Variants in PRRG2 observed in about 807,000 individuals in gnomAD.
PRRG2 encodes transmembrane gamma-carboxyglutamic acid protein 2.
Under a neutral mutation model 27.1 loss-of-function variants are expected in PRRG2, and 23 were observed. The observed-to-expected ratio is 0.85, with a 90% CI of 0.61 to 1.20. The LOEUF is 1.20. Among genes scored for constraint, PRRG2 ranks in the 50% most tolerant of loss-of-function variants. The pLI, the probability that PRRG2 is intolerant of heterozygous loss-of-function variation, is 0.00. For missense variants in PRRG2, 276 were observed against 254.8 expected (o/e 1.08, Z -0.57); for synonymous variants, 104 against 103.4 (o/e 1.01, Z -0.03).
chr19:49,583,747 G>T (rs1413248224), intron 3 of PRRG2, 30 bp downstream of exon 3: 1 of 1,612,110 alleles, frequency 6.2e-7, no homozygotes, highest in Admixed American at 1.7e-5. Context: ...GGAGTTTCGG[G>T]CCCTCTCTCT....
chr19:49,581,837 C>CT (rs1489868551), intron 1 of PRRG2, among the ~76,000 whole-genome samples: 1 of 152,182 alleles, frequency 6.6e-6, no homozygotes, highest in Non-Finnish European at 1.5e-5. Context: ...CTCTGGCGGA[C>CT]ACTGCCTTCA....
chr19:49,585,832 C>A (rs1380663033), intron 4 of PRRG2, among the ~76,000 whole-genome samples: 1 of 151,866 alleles, frequency 6.6e-6, no homozygotes, highest in Non-Finnish European at 1.5e-5. Flanking sequence ...GTAATCCAAG[C>A]ACTTTGGGAG....
At chr19:49,589,273 G>A (rs1162004939) in intron 5 of PRRG2, among the ~76,000 whole-genome samples, 1 of 151,606 alleles carries the variant, frequency 6.6e-6, no homozygotes, top group African/African-American at 2.4e-5. Flanking sequence ...GATTATAGGC[G>A]CACTCCACTA....
At chr19:49,590,294 G>T in intron 6 of PRRG2, 77 bp from the exon 7 acceptor site, 2 of 1,602,708 alleles carry the variant, frequency 1.2e-6, no homozygotes, top group Non-Finnish European at 1.7e-6. Flanking sequence ...CGCCAAGGGC[G>T]GTCGGAGTGG....
rs925423301 is a variant in PRRG2 at position 49,589,594 on chromosome 19, G to A, written c.438-306G>A. ...AGCTACAGGTGTGCGCCATGCACCC[G>A]GCAGGGCTGTCTTTTTCTCTATTGC... On this transcript the variant is annotated intron_variant, in intron 5 of 6. Coordinates refer to ENST00000246794, the MANE Select transcript of PRRG2 (RefSeq NM_000951.3). 5.9e-5 allele frequency among the ~76,000 whole-genome samples: 9 copies of A among 151,262 alleles called. No individual in the cohort carries two copies. In the East Asian group the frequency reaches 1.4e-3, roughly 23 times the overall value.
At chr19:49,587,692 C>T (rs1171526484) in intron 4 of PRRG2, among the ~76,000 whole-genome samples, 1 of 151,788 alleles carries the variant, frequency 6.6e-6, no homozygotes, top group Non-Finnish European at 1.5e-5. Context: ...TCCATGTTGG[C>T]CAGGCTGGTC....
At chr19:49,583,834 G>A (rs1206623719) in intron 3 of PRRG2, 79 bp from the exon 4 acceptor site, 2 of 1,603,322 alleles carry the variant, frequency 1.2e-6, no homozygotes, top group South Asian at 1.1e-5. Context: ...CAGAAATCAG[G>A]ATGGGCTAGT....
In PRRG2 at chr19:49,589,977, CCCCAGG is replaced by C. The variant is rs1329313862; in HGVS notation, c.518_523del (p.Pro173_Gly174del). ...CCCCTGCCTCCACCCCCACCCCCAC[CCCCAGG>C]CCTCCCCACCTATGAGCAGGCGCTG... is the stretch of plus-strand genomic sequence containing the variant. On this transcript the variant is annotated inframe_deletion, in exon 6 of 7. Transcript: ENST00000246794. 6.5e-7 allele frequency: 1 copy of C among 1,538,012 alleles called. No individual in the cohort carries two copies. Among genetic ancestry groups the C allele is most frequent in the African/African-American group, 1.4e-5 (1 of 72,990 alleles).
chr19:49,588,545 G>A lies in PRRG2; in HGVS notation c.350G>A (p.Gly117Asp). ...VASLAVGLTG[G>D]ILLIVLAGLG... ...AGCCTGGCTGTGGGGCTGACAGGTGGCATCCTGCTCATTGTCCTGGCCGGC... is the reference window on the plus strand; with the variant it reads ...AGCCTGGCTGTGGGGCTGACAGGTGACATCCTGCTCATTGTCCTGGCCGGC... Residue 117 changes from glycine (G) to aspartate (D), a missense_variant, in exon 5 of 7, where the codon GGC becomes GAC. Transcript: ENST00000246794. 6.3e-7 allele frequency: 1 copy of A among 1,577,078 alleles called. No homozygotes were observed. The highest frequency in any genetic ancestry group is 1.7e-4 in the Middle Eastern group (1 of 5,988).
Position 49,590,052 on chromosome 19 carries a change from G to A in PRRG2, c.590G>A (p.Ser197Asn). The A allele has an allele frequency of 2.7e-6, 4 of 1,488,994 alleles. No homozygotes were observed. The South Asian group carries it at 5.0e-5, about 19-fold the overall frequency. 92.2% of individuals were successfully genotyped at this position (1,488,994 alleles called of 1,614,324 possible). A position where few individuals can be genotyped will look rare whatever the true frequency, so the allele number is the denominator to read the frequency against. ...GACGCACCTCCACCCCCCTACACCA[G>A]GTATGGGGCGTGGCTTCTGCCCGGG... Reference protein sequence around the residue: ...VHDAPPPPYTSLRRPH With the variant: ...VHDAPPPPYTNLRRPH Residue 197 changes from serine (S) to asparagine (N), a missense_variant and splice_region_variant, in exon 6 of 7, where the codon AGC (serine) becomes AAC (asparagine). Physicochemically the swap from Ser to Asn is conservative, Grantham distance 46 (BLOSUM62 1). Transcript: ENST00000246794.
At position 49,587,765 on chromosome 19, in the gene PRRG2, G is replaced by A. The variant is rs536308746; in HGVS notation, c.302-732G>A. ...CTCCCAAAGTGCTGGGATTACAGGC[G>A]TGAGCCACCGCGCCTGGCTAATTTT... On this transcript the variant is annotated intron_variant, in intron 4 of 6. Transcript: ENST00000246794. Among the ~76,000 whole-genome samples the A allele has an allele frequency of 2.9e-4, 44 of 150,944 alleles. No individual in the cohort carries two copies. In the South Asian group the frequency reaches 8.4e-3, roughly 29 times the overall value.
chr19:49,581,443 G>C lies in PRRG2; in HGVS notation c.-52G>C, dbSNP rs2080622449. 1 of 152,154 alleles carries C rather than the reference G, an allele frequency of 6.6e-6. No homozygotes were observed. Among genetic ancestry groups the C allele is most frequent in the Non-Finnish European group, 1.5e-5 (1 of 68,086 alleles). The allele number at this position is 152,154 out of a possible 1,614,324, so 9.4% of individuals were successfully genotyped here. A position where few individuals can be genotyped will look rare whatever the true frequency, so the allele number is the denominator to read the frequency against. On this transcript the variant is annotated 5_prime_UTR_variant, in exon 1 of 7. Transcript: ENST00000246794. ...GGCTGTAGCTGGCCAAGGAGTTCTC[G>C]ATTAAAGAGGAAGGGGCAGTGCTCA...
At chr19:49,586,258 T>G (rs775450293) in intron 4 of PRRG2, among the ~76,000 whole-genome samples, 1 of 151,864 alleles carries the variant, frequency 6.6e-6, no homozygotes, top group Non-Finnish European at 1.5e-5. Flanking sequence ...CTTAAAATTT[T>G]TTTTGTAGAG....
rs765432382 is a variant in PRRG2, at chr19:49,583,224, G to A, written c.5G>A (p.Arg2Lys). Residue 2 changes from arginine to lysine, a missense_variant, in exon 2 of 7, where the codon AGG (arginine) becomes AAG (lysine). Physicochemically the swap from Arg to Lys is conservative, Grantham distance 26 (BLOSUM62 2). Coordinates refer to ENST00000246794, the MANE Select transcript of PRRG2 (RefSeq NM_000951.3). M[R>K]GHPSLLLLYM... ...GGTTCTAGGTGTCTGGAAAATATGA[G>A]GGGCCACCCCTCTCTGCTGCTGCTA... The A allele has an allele frequency of 6.2e-7, 1 of 1,613,934 alleles. No homozygotes were observed. Among genetic ancestry groups the A allele is most frequent in the Admixed American group, 1.7e-5 (1 of 59,992 alleles).
chr19:49,583,305 G>C lies in PRRG2; in HGVS notation c.85+1G>C, dbSNP rs1316915278. On this transcript the variant is annotated splice_donor_variant, in intron 2 of 6. Coordinates refer to ENST00000246794, the MANE Select transcript of PRRG2 (RefSeq NM_000951.3). LOFTEE classifies it high-confidence loss of function. ...TCACCCAGTGAGGAGACAGACCAAG[G>C]TGAGTGTTTGGGGGAAGTGGCATCC... 6.2e-7 allele frequency: 1 copy of C among 1,613,962 alleles called. No homozygotes were observed. The highest frequency in any genetic ancestry group is 1.7e-5 in the Admixed American group (1 of 60,026).
chr19:49,589,998 A>AGCAGGCGCTG lies in PRRG2; in HGVS notation c.541_550dup (p.Ala184GlyfsTer140). The AGCAGGCGCTG allele has an allele frequency of 6.7e-7, 1 of 1,492,646 alleles. No homozygotes were observed. Among genetic ancestry groups the AGCAGGCGCTG allele is most frequent in the African/African-American group, 1.4e-5 (1 of 71,266 alleles). 92.5% of individuals were successfully genotyped at this position (1,492,646 alleles called of 1,614,324 possible). A position where few individuals can be genotyped will look rare whatever the true frequency, so the allele number is the denominator to read the frequency against. ...CCACCCCCAGGCCTCCCCACCTATGAGCAGGCGCTGGCAGCCTCTGGGGTA... is the reference window on the plus strand; with the variant it reads ...CCACCCCCAGGCCTCCCCACCTATGAGCAGGCGCTGGCAGGCGCTGGCAGCCTCTGGGGTA... On this transcript the variant is annotated frameshift_variant, in exon 6 of 7. Coordinates refer to ENST00000246794, the MANE Select transcript of PRRG2 (RefSeq NM_000951.3). LOFTEE classifies it high-confidence loss of function.
rs539907057 is a variant in PRRG2, at chr19:49,582,134, G to A, written c.-14+653G>A. Among the ~76,000 whole-genome samples, 16 of 150,980 alleles carry A rather than the reference G, an allele frequency of 1.1e-4. 1 individual carries two copies. In the South Asian group the frequency reaches 2.7e-3, roughly 26 times the overall value. On this transcript the variant is annotated intron_variant, in intron 1 of 6. Transcript: ENST00000246794. ...TGCGCACCTGTAATCTCAACTACCC[G>A]GGAGGCTGAGTCAGGAGAATCGCTT...
rs558205938 is a variant in PRRG2 at position 49,583,710 on chromosome 19, C to A, written c.254C>A (p.Thr85Asn). 18 of 1,613,782 alleles carry A rather than the reference C, an allele frequency of 1.1e-5. No homozygotes were observed. The highest frequency in any genetic ancestry group is 1.4e-5 in the Non-Finnish European group (17 of 1,179,888). The change falls in exon 3 of 7, where the codon ACT (threonine) becomes AAT (asparagine). Residue 85 changes from threonine (T) to asparagine (N), a missense_variant. Coordinates refer to ENST00000246794, the MANE Select transcript of PRRG2 (RefSeq NM_000951.3). Reference protein sequence around the residue: ...EEAREYFEDNTLTERFWESYI... With the variant: ...EEAREYFEDNNLTERFWESYI... ...GCCAGGGAGTATTTTGAGGACAACA[C>A]TCTCACGGTGAGGGCCTCGAGACCC...
Position 49,590,463 on chromosome 19 carries a change from CAT to C in PRRG2, c.*76_*77del. The C allele has an allele frequency of 6.3e-7, 1 of 1,593,530 alleles. No individual in the cohort carries two copies. The highest frequency in any genetic ancestry group is 8.6e-7 in the Non-Finnish European group (1 of 1,163,774). ...CCGGATTCCGGAAGCCGCTAGGCCT[CAT>C]AGACGCCGAAGCTGGACTTGGAGTG... On this transcript the variant is annotated 3_prime_UTR_variant, in exon 7 of 7. Coordinates refer to ENST00000246794, the MANE Select transcript of PRRG2 (RefSeq NM_000951.3).
Sources: gnomAD v4.1 joint callset for allele counts (sites outside exome capture counted in the v4.1 genomes callset) on GRCh38, gnomAD v4.1.1 for gene constraint, MANE v1.5 for transcripts, NCBI Gene and HGNC (gene_info 2026-07-23, HGNC 2026-07-21) for gene names.